PTPRM: variants seen among roughly 807,000 people sequenced by gnomAD.
PTPRM encodes the protein receptor-type tyrosine-protein phosphatase mu.
A neutral mutation model predicts 186.7 loss-of-function variants in PTPRM; 47 were observed. The observed-to-expected ratio is 0.25, with a 90% CI of 0.20 to 0.32. The LOEUF (loss-of-function observed/expected upper bound fraction) is 0.32. Among genes scored for constraint, PTPRM ranks in the 10% least tolerant of loss-of-function variants. The pLI is 1.00. For missense variants in PTPRM, 1,494 were observed against 1,865.0 expected, an observed-to-expected ratio of 0.80 and a Z score of 3.66; for synonymous variants, 668 against 674.9, an observed-to-expected ratio of 0.99 and a Z score of 0.16.
intron 7 of PTPRM, among the ~76,000 whole-genome samples, chr18:8,044,498 G>A (rs1293200705): frequency 6.6e-6 from 1 of 152,116 alleles, no homozygotes; most frequent in African/African-American, 2.4e-5. Context: ...TAAACATGTT[G>A]TGCCTGTAAT....
intron 13 of PTPRM, among the ~76,000 whole-genome samples, chr18:8,125,209 C>CA (rs11315965): frequency 3.1e-4 from 42 of 134,726 alleles, no homozygotes; most frequent in Admixed American, 1.0e-3. Flanking sequence ...GACTCTGTCT[C>CA]AAAAAAAAAA....
rs2094856294 is a variant in PTPRM at position 8,278,013 on chromosome 18, T to G, written c.2755-18355T>G. On this transcript the variant is annotated intron_variant, in intron 19 of 32. Coordinates refer to ENST00000580170, the MANE Select transcript of PTPRM (RefSeq NM_001105244.2). Reference sequence around the variant, plus strand: ...AAAGTAGGATTTTGGTTTCTCAATCTATAATATTATTTCATTTCCAGATTG... The same window carrying G: ...AAAGTAGGATTTTGGTTTCTCAATCGATAATATTATTTCATTTCCAGATTG... 2.0e-5 allele frequency among the ~76,000 whole-genome samples: 3 copies of G among 152,374 alleles called. 1 individual carries two copies. The Middle Eastern group carries it at 0.01, about 518-fold the overall frequency.
At chr18:7,705,169 T>C (rs1264782760) in intron 1 of PTPRM, among the ~76,000 whole-genome samples, 1 of 152,108 alleles carries the variant, frequency 6.6e-6, no homozygotes, top group African/African-American at 2.4e-5. Context: ...AAGAACATGT[T>C]CAATGAAATA....
chr18:7,600,256 T>C (rs1472598772), intron 1 of PTPRM, among the ~76,000 whole-genome samples: 1 of 152,140 alleles, frequency 6.6e-6, no homozygotes, highest in East Asian at 1.9e-4. Flanking sequence ...GTAATAAACA[T>C]CCGGGGCTGA....
intron 20 of PTPRM, among the ~76,000 whole-genome samples, chr18:8,314,138 T>C (rs917562442): frequency 6.6e-6 from 1 of 152,206 alleles, no homozygotes; most frequent in Admixed American, 6.5e-5. Context: ...ATAGTACTTA[T>C]GTGTCAATTT....
intron 1 of PTPRM, among the ~76,000 whole-genome samples, chr18:7,643,928 T>A (rs1213879290): frequency 6.6e-6 from 1 of 152,088 alleles, no homozygotes; most frequent in Non-Finnish European, 1.5e-5. Context: ...ATTGATGAAA[T>A]CAAGTTTTAA....
At chr18:7,791,470 G>C (rs1204342398) in intron 2 of PTPRM, among the ~76,000 whole-genome samples, 1 of 152,106 alleles carries the variant, frequency 6.6e-6, no homozygotes, top group African/African-American at 2.4e-5. Flanking sequence ...TAGACATCCT[G>C]GTTGAAAAGG....
intron 2 of PTPRM, among the ~76,000 whole-genome samples, chr18:7,782,665 C>T (rs1271387447): frequency 3.9e-5 from 6 of 152,178 alleles, no homozygotes; most frequent in African/African-American, 7.2e-5. Context: ...CTCTAGGTAG[C>T]TTATGTAAGT....
chr18:7,651,643 C>T (rs2038707733), intron 1 of PTPRM, among the ~76,000 whole-genome samples: 2 of 151,736 alleles, frequency 1.3e-5, no homozygotes, highest in South Asian at 4.2e-4. Context: ...GAAAAACAAG[C>T]AATGGGGAAA....
chr18:8,223,883 G>A (rs1428755881), intron 14 of PTPRM, among the ~76,000 whole-genome samples: 1 of 152,184 alleles, frequency 6.6e-6, no homozygotes, highest in East Asian at 1.9e-4. Flanking sequence ...GAGCTTTCGA[G>A]TACCTTCTTC....
intron 1 of PTPRM, among the ~76,000 whole-genome samples, chr18:7,622,040 C>A (rs1481476151): frequency 6.6e-6 from 1 of 152,108 alleles, no homozygotes; most frequent in East Asian, 1.9e-4. Context: ...AAAAACCTGC[C>A]CAACTGTCTT....
At chr18:8,269,749 A>G (rs1393094577) in intron 19 of PTPRM, among the ~76,000 whole-genome samples, 3 of 152,036 alleles carry the variant, frequency 2.0e-5, no homozygotes, top group Non-Finnish European at 4.4e-5. Flanking sequence ...TGATCAACTA[A>G]TATTTTACAA....
intron 5 of PTPRM, among the ~76,000 whole-genome samples, chr18:7,940,479 G>A (rs2052098155): frequency 6.6e-6 from 1 of 152,210 alleles, no homozygotes; most frequent in African/African-American, 2.4e-5. Context: ...TATTTGAGCA[G>A]TCCCTGGAAG....
intron 1 of PTPRM, among the ~76,000 whole-genome samples, chr18:7,739,854 A>G (rs1392541153): frequency 6.6e-6 from 1 of 152,158 alleles, no homozygotes; most frequent in Non-Finnish European, 1.5e-5. Context: ...TTCCTTGAAC[A>G]TTTAAGGAAA....
intron 13 of PTPRM, 65 bp from the exon 14 acceptor site, chr18:8,143,582 A>G (rs1568414751): frequency 8.0e-6 from 12 of 1,505,522 alleles, no homozygotes; most frequent in Non-Finnish European, 1.1e-5. Context: ...GAAATTTTTT[A>G]AACTGTGGCA....
intron 8 of PTPRM, among the ~76,000 whole-genome samples, chr18:8,072,948 A>G (rs1418704832): frequency 1.3e-5 from 2 of 152,182 alleles, no homozygotes; most frequent in African/African-American, 4.8e-5. Flanking sequence ...CTGACCTTAA[A>G]GTGATTATCT....
intron 14 of PTPRM, among the ~76,000 whole-genome samples, chr18:8,212,114 G>C (rs1364449177): frequency 1.3e-5 from 2 of 152,142 alleles, no homozygotes; most frequent in East Asian, 1.9e-4. Flanking sequence ...AAAAGAAACT[G>C]TCATCTCAAA....
chr18:8,178,775 A>G (rs2093527152), intron 14 of PTPRM, among the ~76,000 whole-genome samples: 1 of 151,938 alleles, frequency 6.6e-6, no homozygotes, highest in African/African-American at 2.4e-5. Flanking sequence ...CAACAGATCA[A>G]GACTCCGTCT....
chr18:8,025,617 C>T (rs139654387), intron 7 of PTPRM, among the ~76,000 whole-genome samples: 178 of 152,230 alleles, frequency 1.2e-3, no homozygotes, highest in African/African-American at 4.0e-3. Flanking sequence ...GAAGTATTTA[C>T]AGTAGCAGAA....
Sources: allele counts gnomAD v4.1 joint callset (sites outside exome capture counted in the v4.1 genomes callset), GRCh38; gene constraint gnomAD v4.1.1; transcripts MANE v1.5; gene names NCBI Gene and HGNC (gene_info 2026-07-23, HGNC 2026-07-21).